UBR4: variants seen among roughly 807,000 people sequenced by gnomAD.
UBR4 encodes ubiquitin protein ligase E3 component n-recognin 4.
Under a neutral mutation model 575.6 loss-of-function variants are expected in UBR4, and 124 were observed. The ratio of observed to expected loss-of-function variants is 0.22; its 90% CI spans 0.19 to 0.25. UBR4 has a LOEUF of 0.25. Ranked by LOEUF, UBR4 falls within the 10% of genes least tolerant of loss-of-function variation. The pLI is 1.00. For missense variants in UBR4, 4,818 were observed against 6,478.8 expected, an observed-to-expected ratio of 0.74 and a Z score of 8.80; for synonymous variants, 2,455 against 2,473.7, an observed-to-expected ratio of 0.99 and a Z score of 0.22.
chr1:19,086,436 T>A (rs1432446440), intron 100 of UBR4, among the ~76,000 whole-genome samples, 166 bp from the exon 101 acceptor site: 2 of 152,238 alleles, frequency 1.3e-5, no homozygotes, highest in African/African-American at 4.8e-5. Flanking sequence ...AGCCTCAATG[T>A]GGTACACACT....
At chr1:19,102,702 C>A (rs1486372483) in intron 87 of UBR4, among the ~76,000 whole-genome samples, 1 of 152,168 alleles carries the variant, frequency 6.6e-6, no homozygotes, top group Non-Finnish European at 1.5e-5. Context: ...TTTCCATGCC[C>A]TGCCCAGATT....
chr1:19,153,596 TCA>T lies in UBR4; in HGVS notation c.6631-96_6631-95del. The T allele has an allele frequency of 6.6e-7, 1 of 1,526,132 alleles. No individual in the cohort carries two copies. Among genetic ancestry groups the T allele is most frequent in the East Asian group, 2.3e-5 (1 of 44,214 alleles). The allele number at this position is 1,526,132 out of a possible 1,614,324, so 94.5% of individuals were successfully genotyped here. On this transcript the variant is annotated intron_variant, in intron 45 of 105. Coordinates refer to ENST00000375254, the MANE Select transcript of UBR4 (RefSeq NM_020765.3). This position sits in a 1 kb window ranked among gnomAD's most constrained non-coding sequence, Gnocchi z 4.1. ...GGCAGAGATGCAACTGGTTTCATGG[TCA>T]GTTGAGGGGCTGTACAGAAGGGTGG...
intron 18 of UBR4, among the ~76,000 whole-genome samples, chr1:19,178,477 C>A (rs1481527089): frequency 3.3e-5 from 5 of 152,174 alleles, no homozygotes; most frequent in Non-Finnish European, 7.3e-5. Context: ...GTCTTTGGCA[C>A]TCAAGAAGGT....
intron 64 of UBR4, 137 bp from the exon 65 acceptor site, chr1:19,124,827 A>G (rs2081547852): frequency 8.8e-7 from 1 of 1,135,916 alleles, no homozygotes; most frequent in African/African-American, 1.6e-5. Context: ...ATCAAGACTG[A>G]CTGACAGTTT....
chr1:19,181,336 T>C (rs1035890840), intron 17 of UBR4, among the ~76,000 whole-genome samples: 1 of 152,014 alleles, frequency 6.6e-6, no homozygotes, highest in Non-Finnish European at 1.5e-5. Context: ...AAGACCAGCC[T>C]GGGAGATACA....
chr1:19,116,162 C>T (rs1570670090), intron 73 of UBR4, among the ~76,000 whole-genome samples: 1 of 152,300 alleles, frequency 6.6e-6, no homozygotes, highest in East Asian at 1.9e-4. Context: ...ATGTACTAGG[C>T]TCTGTTCTCA....
Position 19,096,582 on chromosome 1 carries a change from A to G in UBR4, c.13459T>C (p.Cys4487Arg). ...GVMAQCGGLECMLNRLAGIRD... is the reference protein window; with the variant it reads ...GVMAQCGGLERMLNRLAGIRD... ...ATCCCTGCGAGTCTGTTAAGCATGC[A>G]TTCCAGGCCCCCACACTGGGCCATC... Residue 4487 changes from cysteine to arginine, a missense_variant, in exon 92 of 106, where the codon TGC (cysteine) becomes CGC (arginine). Transcript: ENST00000375254. 6.2e-7 allele frequency: 1 copy of G among 1,613,872 alleles called. No individual in the cohort carries two copies. Among genetic ancestry groups the G allele is most frequent in the Non-Finnish European group, 8.5e-7 (1 of 1,179,924 alleles).
rs573916681 is a variant in UBR4, at chr1:19,084,145, A to T, written c.15008+359T>A. Reference sequence around the variant, plus strand: ...CAGCTCCGACCTGTGGCCTCCCCCCATTCAAGAGAACAGTCTGGAAAGTAG... The same window carrying T: ...CAGCTCCGACCTGTGGCCTCCCCCCTTTCAAGAGAACAGTCTGGAAAGTAG... On this transcript the variant is annotated intron_variant, in intron 102 of 105. Coordinates refer to ENST00000375254, the MANE Select transcript of UBR4 (RefSeq NM_020765.3). Among the ~76,000 whole-genome samples, 121 of 152,282 alleles carry T rather than the reference A, an allele frequency of 7.9e-4. 1 individual carries two copies. The highest frequency in any genetic ancestry group is 2.6e-3 in the African/African-American group (108 of 41,552).
intron 44 of UBR4, among the ~76,000 whole-genome samples, chr1:19,154,402 C>G (rs377291631): frequency 6.6e-6 from 1 of 152,208 alleles, no homozygotes; most frequent in Non-Finnish European, 1.5e-5. Context: ...AGGGAAGACA[C>G]CATAAGCCTC....
Position 19,152,411 on chromosome 1 carries a change from C to G in UBR4, c.6898G>C (p.Asp2300His). Residue 2300 changes from aspartate (D) to histidine (H), a missense_variant, in exon 47 of 106, where the codon GAT (aspartate) becomes CAT (histidine). By Grantham distance (81) the Asp-to-His change is moderately conservative. Around this residue, in one of 29 missense-constraint regions of UBR4, gnomAD observed 461 missense variants for 606.9 expected, o/e 0.76. Coordinates refer to ENST00000375254, the MANE Select transcript of UBR4 (RefSeq NM_020765.3). The surrounding 1 kb of genome is among the most constrained non-coding windows in gnomAD (Gnocchi z 4.4). ...AGGTCGTTACCACCAAACTCCACATCTGTCAGCTGCTGGTTGTGTTCAAAA... is the reference window on the plus strand; with the variant it reads ...AGGTCGTTACCACCAAACTCCACATGTGTCAGCTGCTGGTTGTGTTCAAAA... ...DFFEHNQQLT[D>H]VEFGGNDLLQ... 1 of 1,613,988 alleles carries G rather than the reference C, an allele frequency of 6.2e-7. No individual in the cohort carries two copies. The highest frequency in any genetic ancestry group is 8.5e-7 in the Non-Finnish European group (1 of 1,179,852).
chr1:19,102,946 G>C lies in UBR4; in HGVS notation c.12901+1138C>G, dbSNP rs140147004. On this transcript the variant is annotated intron_variant, in intron 87 of 105. Coordinates refer to ENST00000375254, the MANE Select transcript of UBR4 (RefSeq NM_020765.3). ...ACTTGTAATGAGCTGTCCCCTTATA[G>C]GGGTTTGCGGCTCAAACCTCTCACT... Among the ~76,000 whole-genome samples the C allele has an allele frequency of 4.3e-3, 653 of 152,284 alleles. 5 individuals are homozygous for C. The highest frequency in any genetic ancestry group is 0.01 in the Middle Eastern group (3 of 294).
chr1:19,150,468 A>C lies in UBR4; in HGVS notation c.7430+109T>G. 2.4e-6 allele frequency: 3 copies of C among 1,259,410 alleles called. No individual in the cohort carries two copies. The South Asian group carries it at 4.0e-5, about 17-fold the overall frequency. 78.0% of individuals were successfully genotyped at this position (1,259,410 alleles called of 1,614,324 possible). On this transcript the variant is annotated intron_variant, in intron 49 of 105. Transcript: ENST00000375254. Reference sequence around the variant, plus strand: ...TTGTATGAAAACTTAAAAAAATTCCAGGCTAGCCTTGAGATGGTTATTAGA... The same window carrying C: ...TTGTATGAAAACTTAAAAAAATTCCCGGCTAGCCTTGAGATGGTTATTAGA...
intron 101 of UBR4, 63 bp from the exon 102 acceptor site, chr1:19,084,761 A>T: frequency 6.7e-7 from 1 of 1,496,810 alleles, no homozygotes; most frequent in Non-Finnish European, 9.1e-7. Context: ...CCAGTTTGGG[A>T]GACAGAGCCT....
intron 49 of UBR4, chr1:19,149,936 G>A (rs2085422608): frequency 6.2e-6 from 3 of 485,110 alleles, no homozygotes; most frequent in South Asian, 4.2e-5. Flanking sequence ...GGAGGCTGGT[G>A]GTGGGAGGCA....
chr1:19,181,846 G>A (rs533767647), intron 17 of UBR4, among the ~76,000 whole-genome samples: 1 of 152,266 alleles, frequency 6.6e-6, no homozygotes, highest in African/African-American at 2.4e-5. Context: ...TACATGAACA[G>A]TTCTGTGGCA....
At chr1:19,132,915 C>A (rs943340245) in intron 60 of UBR4, among the ~76,000 whole-genome samples, 9 of 151,932 alleles carry the variant, frequency 5.9e-5, no homozygotes, top group Non-Finnish European at 1.3e-4. Context: ...AAATTGAAAC[C>A]AAAATAAATA....
chr1:19,131,243 TAAA>T (rs869155620), intron 60 of UBR4, among the ~76,000 whole-genome samples: 41 of 102,976 alleles, frequency 4.0e-4, no homozygotes, highest in Non-Finnish European at 5.8e-4. Flanking sequence ...TCTTGAAACT[TAAA>T]AAAAAAAAAA....
At chr1:19,090,453 C>T (rs1232349397) in intron 97 of UBR4, among the ~76,000 whole-genome samples, 2 of 152,168 alleles carry the variant, frequency 1.3e-5, no homozygotes, top group Non-Finnish European at 2.9e-5. Context: ...TCTTGCCATG[C>T]CTCGCCTCCG....
chr1:19,185,709 G>A lies in UBR4; in HGVS notation c.1751-423C>T, dbSNP rs149450093. Among the ~76,000 whole-genome samples the A allele has an allele frequency of 6.9e-3, 1,047 of 151,968 alleles. 12 individuals are homozygous for A. Among genetic ancestry groups the A allele is most frequent in the South Asian group, 0.037 (179 of 4,816 alleles). Reference sequence around the variant, plus strand: ...CTGCCTCAGTCTCCCGAGTAGCTGGGACTACAGGCTACAGGCATGTGCCTG... The same window carrying A: ...CTGCCTCAGTCTCCCGAGTAGCTGGAACTACAGGCTACAGGCATGTGCCTG... On this transcript the variant is annotated intron_variant, in intron 14 of 105. Transcript: ENST00000375254.
Sources: allele counts gnomAD v4.1 joint callset (sites outside exome capture counted in the v4.1 genomes callset), GRCh38; gene constraint gnomAD v4.1.1; regional missense constraint gnomAD v4.1.1; non-coding constraint Gnocchi (gnomAD v3.1); transcripts MANE v1.5; gene names NCBI Gene and HGNC (gene_info 2026-07-23, HGNC 2026-07-21).